The following FBXO10 variants were observed in gnomAD, a reference collection of about 807,000 sequenced individuals.
The protein encoded by FBXO10 is F-box protein 10.
FBXO10 carries 39 observed loss-of-function variants against 80.7 expected under a neutral mutation model. That is an observed-to-expected ratio of 0.48 (90% confidence interval 0.37 to 0.63). FBXO10 has a LOEUF of 0.63. Ranked by LOEUF, FBXO10 falls within the 30% of genes least tolerant of loss-of-function variation. The pLI, the probability that FBXO10 is intolerant of heterozygous loss-of-function variation, is 0.00. For synonymous variants in FBXO10, 449 were observed against 489.6 expected (o/e 0.92, Z 1.09); for missense variants, 1,025 against 1,269.0 (o/e 0.81, Z 2.92).
At chr9:37,516,635 C>A (rs1247787711) in intron 9 of FBXO10, among the ~76,000 whole-genome samples, 2 of 152,142 alleles carry the variant, frequency 1.3e-5, no homozygotes, top group Non-Finnish European at 2.9e-5. Flanking sequence ...AAATATGCAA[C>A]CAACCTAACT....
chr9:37,519,006 T>G (rs958750233), intron 8 of FBXO10, among the ~76,000 whole-genome samples: 18 of 150,454 alleles, frequency 1.2e-4, no homozygotes, highest in African/African-American at 4.4e-4. Context: ...GCCTCCCGGG[T>G]TCACACCATT....
intron 10 of FBXO10, among the ~76,000 whole-genome samples, chr9:37,514,036 G>A (rs973657269): frequency 3.9e-5 from 6 of 152,222 alleles, no homozygotes; most frequent in African/African-American, 1.4e-4. Flanking sequence ...GTTTTCTGAT[G>A]CTTGAGTTAC....
intron 1 of FBXO10, among the ~76,000 whole-genome samples, chr9:37,574,297 GA>G (rs1438970784): frequency 6.6e-6 from 1 of 152,218 alleles, no homozygotes; most frequent in Non-Finnish European, 1.5e-5. Flanking sequence ...GGGAGGGAAG[GA>G]AGGGATAGTG....
chr9:37,549,429 G>T (rs1259816337), intron 1 of FBXO10, among the ~76,000 whole-genome samples: 1 of 152,080 alleles, frequency 6.6e-6, no homozygotes, highest in Non-Finnish European at 1.5e-5. Flanking sequence ...AACCTTGCAA[G>T]CCCCCTAAAA....
At position 37,512,575 on chromosome 9, in the gene FBXO10, T is replaced by C. The variant is rs1183948437; in HGVS notation, c.2843A>G (p.Asn948Ser). Reference sequence around the variant, plus strand: ...CAGGATGGTGCAGAAGACACTGCGGTTGCTGTGGTAACCACCTTCCACCCG... The same window carrying C: ...CAGGATGGTGCAGAAGACACTGCGGCTGCTGTGGTAACCACCTTCCACCCG... ...TARVEGGYHS[N>S]RSVFCTIL Residue 948 changes from asparagine (N) to serine (S), a missense_variant, in exon 11 of 11, where the codon AAC becomes AGC. Physicochemically the swap from Asn to Ser is conservative, Grantham distance 46. Around this residue, in one of 3 missense-constraint regions of FBXO10, gnomAD observed 97 missense variants for 101.8 expected, o/e 0.95. Transcript: ENST00000432825. The C allele has an allele frequency of 6.2e-7, 1 of 1,613,970 alleles. No homozygotes were observed. The highest frequency in any genetic ancestry group is 8.5e-7 in the Non-Finnish European group (1 of 1,179,874).
chr9:37,525,526 G>C (rs1821448911), intron 5 of FBXO10, among the ~76,000 whole-genome samples: 1 of 152,172 alleles, frequency 6.6e-6, no homozygotes, highest in East Asian at 1.9e-4. Flanking sequence ...TCACTTGACT[G>C]TCATCTACAT....
intron 8 of FBXO10, among the ~76,000 whole-genome samples, chr9:37,519,218 C>A (rs1821266577): frequency 6.6e-6 from 1 of 152,220 alleles, no homozygotes; most frequent in South Asian, 2.1e-4. Context: ...CGGAAATTTT[C>A]TTCTTAATGT....
intron 8 of FBXO10, among the ~76,000 whole-genome samples, chr9:37,518,837 C>T (rs1821252564): frequency 6.6e-6 from 1 of 152,158 alleles, no homozygotes; most frequent in Non-Finnish European, 1.5e-5. Context: ...GGCAGATCTA[C>T]TCATTAGAGG....
At chr9:37,555,628 A>G (rs1389748934) in intron 1 of FBXO10, among the ~76,000 whole-genome samples, 1 of 151,822 alleles carries the variant, frequency 6.6e-6, no homozygotes. Flanking sequence ...TGATCCACCC[A>G]CCTTGGCCTC....
At chr9:37,552,564 C>T (rs183780999) in intron 1 of FBXO10, among the ~76,000 whole-genome samples, 5 of 151,968 alleles carry the variant, frequency 3.3e-5, no homozygotes, top group East Asian at 1.9e-4. Context: ...TGGTGGTGGG[C>T]GCCTGTAGTC....
At chr9:37,527,773 G>C (rs1209588813) in intron 5 of FBXO10, among the ~76,000 whole-genome samples, 1 of 152,122 alleles carries the variant, frequency 6.6e-6, no homozygotes, top group Non-Finnish European at 1.5e-5. Context: ...GCTGGAATGT[G>C]TGTTCAATGA....
intron 5 of FBXO10, 57 bp from the exon 6 acceptor site, chr9:37,525,229 TC>T (rs2119074882): frequency 6.8e-7 from 1 of 1,463,246 alleles, no homozygotes; most frequent in East Asian, 2.5e-5. Context: ...ATGTCATGCT[TC>T]CAGGAGACTG....
At chr9:37,526,276 C>T (rs1200291365) in intron 5 of FBXO10, among the ~76,000 whole-genome samples, 2 of 152,152 alleles carry the variant, frequency 1.3e-5, no homozygotes, top group African/African-American at 2.4e-5. Context: ...AAAAATATAA[C>T]TTTCTGTGGC....
At position 37,521,552 on chromosome 9, in the gene FBXO10, T is replaced by A; in HGVS notation, c.2200+17A>T. 1 of 1,571,932 alleles carries A rather than the reference T, an allele frequency of 6.4e-7. No homozygotes were observed. Among genetic ancestry groups the A allele is most frequent in the Non-Finnish European group, 8.7e-7 (1 of 1,152,814 alleles). ...CCATGGAAGGTTCTTGAGCAGGGGC[T>A]GAGGGGGTATACTCACCTCCATTGT... On this transcript the variant is annotated intron_variant, in intron 8 of 10. Transcript: ENST00000432825.
At chr9:37,548,922 G>A (rs150279194) in intron 1 of FBXO10, among the ~76,000 whole-genome samples, 3 of 152,076 alleles carry the variant, frequency 2.0e-5, no homozygotes, top group African/African-American at 7.2e-5. Flanking sequence ...CTCATTTTTT[G>A]TAATTTTAGT....
At position 37,550,169 on chromosome 9, in the gene FBXO10, G is replaced by GTTTTTTTTTTTTT. The variant is rs74171511; in HGVS notation, c.-6-8408_-6-8396dup. 1.1e-3 allele frequency among the ~76,000 whole-genome samples: 73 copies of GTTTTTTTTTTTTT among 68,002 alleles called. 16 individuals are homozygous for GTTTTTTTTTTTTT. Among genetic ancestry groups the GTTTTTTTTTTTTT allele is most frequent in the Admixed American group, 1.4e-3 (7 of 5,150 alleles). 44.6% of individuals were successfully genotyped at this position (68,002 alleles called of 152,430 possible). A position where few individuals can be genotyped will look rare whatever the true frequency, so the allele number is the denominator to read the frequency against. ...CAGTTTTCTTTTTTTGTCGTCTCAG[G>GTTTTTTTTTTTTT]TTTTTTTTTTTTTTTTTTTTTTTTT... is the stretch of plus-strand genomic sequence containing the variant. On this transcript the variant is annotated intron_variant, in intron 1 of 10. Transcript: ENST00000432825.
In FBXO10 at chr9:37,556,893, A is replaced by T. The variant is rs576900887; in HGVS notation, c.-6-15119T>A. Among the ~76,000 whole-genome samples, 30 of 152,296 alleles carry T rather than the reference A, an allele frequency of 2.0e-4. No individual in the cohort carries two copies. The South Asian group carries it at 6.2e-3, about 32-fold the overall frequency. Reference sequence around the variant, plus strand: ...ATGTCAAAACCACAATCTGGATATTAGACATGCTTTTTCTACTGGCTTGGT... The same window carrying T: ...ATGTCAAAACCACAATCTGGATATTTGACATGCTTTTTCTACTGGCTTGGT... On this transcript the variant is annotated intron_variant, in intron 1 of 10. Transcript: ENST00000432825.
chr9:37,543,621 A>G (rs1161465086), intron 1 of FBXO10, among the ~76,000 whole-genome samples: 2 of 152,224 alleles, frequency 1.3e-5, no homozygotes, highest in African/African-American at 4.8e-5. Flanking sequence ...TGCAGGTCAT[A>G]GCTCTAGTCT....
intron 1 of FBXO10, among the ~76,000 whole-genome samples, chr9:37,544,991 CAAAAAAA>C (rs59952580): frequency 1.4e-5 from 1 of 69,464 alleles, no homozygotes; most frequent in Non-Finnish European, 2.6e-5. Flanking sequence ...GAGACTCTCT[CAAAAAAA>C]AAAAAAAAAA....
Sources: allele counts gnomAD v4.1 joint callset (sites outside exome capture counted in the v4.1 genomes callset), GRCh38; gene constraint gnomAD v4.1.1; regional missense constraint gnomAD v4.1.1; transcripts MANE v1.5; gene names NCBI Gene and HGNC (gene_info 2026-07-23, HGNC 2026-07-21).